DUSP15: variants seen among roughly 807,000 people sequenced by gnomAD.
DUSP15 encodes the protein dual specificity protein phosphatase 15.
DUSP15 carries 23 observed loss-of-function variants against 26.3 expected under a neutral mutation model. The ratio of observed to expected loss-of-function variants is 0.87; its 90% CI spans 0.63 to 1.24. The LOEUF (loss-of-function observed/expected upper bound fraction) is 1.24, where lower values mean the gene tolerates loss of function less well. Ranked by LOEUF, DUSP15 falls within the 50% of genes most tolerant of loss-of-function variation. The pLI is 0.00. For missense variants in DUSP15, 364 were observed against 320.6 expected (o/e 1.14, Z -1.03); for synonymous variants, 143 against 135.5 (o/e 1.06, Z -0.39).
downstream of DUSP15, among the ~76,000 whole-genome samples, chr20:31,859,103 A>C (rs2123230533): frequency 6.6e-6 from 1 of 152,334 alleles, no homozygotes; most frequent in South Asian, 2.1e-4. Flanking sequence ...GAGAGGTTAA[A>C]GCCCTCTAAC....
rs940390081 is a variant in DUSP15 at position 31,867,254 on chromosome 20, A to C, written c.56-101T>G. Reference sequence around the variant, plus strand: ...CCTGCCCAGCTCTCCCTCTCACCCCACCACTCCACCTTGGCCCACGCTCTG... The same window carrying C: ...CCTGCCCAGCTCTCCCTCTCACCCCCCCACTCCACCTTGGCCCACGCTCTG... On this transcript the variant is annotated intron_variant, in intron 2 of 6. Transcript: ENST00000339738. 46 of 1,030,088 alleles carry C rather than the reference A, an allele frequency of 4.5e-5. No individual in the cohort carries two copies. The Middle Eastern group carries it at 1.1e-3, about 24-fold the overall frequency. The allele number at this position is 1,030,088 out of a possible 1,614,324, so 63.8% of individuals were successfully genotyped here. A position where few individuals can be genotyped will look rare whatever the true frequency, so the allele number is the denominator to read the frequency against.
intron 5 of DUSP15, among the ~76,000 whole-genome samples, chr20:31,863,075 T>TG (rs11467419): frequency 9.2e-4 from 137 of 148,834 alleles, no homozygotes; most frequent in South Asian, 1.7e-3. Context: ...ACAGTATGGC[T>TG]GGGGGGGGGG....
chr20:31,864,494 G>T (rs866670952), intron 4 of DUSP15: 1 of 979,144 alleles, frequency 1.0e-6, no homozygotes, highest in Non-Finnish European at 1.2e-6. Context: ...CCCTATCCTA[G>T]ATCCTTGACC....
chr20:31,862,808 C>T, intron 5 of DUSP15, 66 bp from the exon 6 acceptor site: 1 of 1,473,814 alleles, frequency 6.8e-7, no homozygotes, highest in East Asian at 2.4e-5. Flanking sequence ...CCCAGGCACC[C>T]CACCCTGCTT....
At chr20:31,868,102 A>G (rs906701079) in intron 2 of DUSP15, among the ~76,000 whole-genome samples, 2 of 152,238 alleles carry the variant, frequency 1.3e-5, no homozygotes, top group African/African-American at 2.4e-5. Context: ...TATATTCAGA[A>G]TGAATAACAC....
chr20:31,858,012 G>GA (rs1191596698), downstream of DUSP15, among the ~76,000 whole-genome samples: 1 of 152,182 alleles, frequency 6.6e-6, no homozygotes, highest in African/African-American at 2.4e-5. The surrounding 1 kb of genome is among the most constrained non-coding windows in gnomAD (Gnocchi z 4.4). Context: ...CATATGTAGA[G>GA]AACATTACCC....
At chr20:31,849,659 A>G in intron 8 of DUSP15, 1 of 1,525,628 alleles carries the variant, frequency 6.6e-7, no homozygotes, top group Non-Finnish European at 8.8e-7. Context: ...GGAGCCACCC[A>G]GAGCTGCACA....
At chr20:31,862,430 A>T in intron 6 of DUSP15, 141 bp downstream of exon 6, 1 of 951,736 alleles carries the variant, frequency 1.1e-6, no homozygotes, top group Non-Finnish European at 1.5e-6. Context: ...GAGGTGGATT[A>T]GCTCAAAGGC....
exon 10 of DUSP15, chr20:31,848,320 T>C: frequency 7.0e-7 from 1 of 1,430,574 alleles, no homozygotes; most frequent in Non-Finnish European, 9.4e-7. Flanking sequence ...ACCTGGGTGA[T>C]GTGCCGGGGG....
At chr20:31,870,642 G>C, upstream of DUSP15, 4 of 1,299,476 alleles carry the variant, frequency 3.1e-6, no homozygotes, top group Non-Finnish European at 3.9e-6. The surrounding 1 kb of genome is among the most constrained non-coding windows in gnomAD (Gnocchi z 6.6). Flanking sequence ...CCAGTGTGCC[G>C]GGCCCACGGC....
At chr20:31,857,594 A>C (rs1361174676), downstream of DUSP15, among the ~76,000 whole-genome samples, 1 of 151,828 alleles carries the variant, frequency 6.6e-6, no homozygotes, top group Non-Finnish European at 1.5e-5. Flanking sequence ...CTCCTCCCCC[A>C]CTTTAGTTCT....
In DUSP15 at chr20:31,854,003, G is replaced by A. The variant is rs114226157; in HGVS notation, c.427-3327C>T. 8.5e-3 allele frequency among the ~76,000 whole-genome samples: 1,297 copies of A among 152,228 alleles called. 21 individuals carry two copies. The highest frequency in any genetic ancestry group is 0.03 in the African/African-American group (1,235 of 41,544). On this transcript the variant is annotated intron_variant, in intron 6 of 9. Transcript: ENST00000278979. The stretch of plus-strand genomic sequence containing the variant: ...GAGCCTGATGAACAGCTGGGGAAAG[G>A]TGTTCCAGTAAAAGGAACAGCAAAG...
downstream of DUSP15, among the ~76,000 whole-genome samples, chr20:31,846,119 GAC>G (rs540862634): frequency 2.9e-4 from 31 of 108,086 alleles, no homozygotes; most frequent in African/African-American, 1.1e-3. Context: ...GACACACAGA[GAC>G]ACACAGACAC....
downstream of DUSP15, among the ~76,000 whole-genome samples, chr20:31,846,073 TACAGACAC>T (rs1012541007): frequency 1.4e-5 from 2 of 148,044 alleles, no homozygotes; most frequent in African/African-American, 5.0e-5. Flanking sequence ...GACATACACG[TACAGACAC>T]ACAGAGACAC....
At chr20:31,846,297 CA>C (rs2062377314), downstream of DUSP15, among the ~76,000 whole-genome samples, 18 of 139,456 alleles carry the variant, frequency 1.3e-4, no homozygotes, top group African/African-American at 5.9e-4. Context: ...GACACAGACA[CA>C]CACACACACA....
At chr20:31,862,206 T>A (rs2062676272) in intron 6 of DUSP15, among the ~76,000 whole-genome samples, 1 of 152,246 alleles carries the variant, frequency 6.6e-6, no homozygotes, top group East Asian at 1.9e-4. Context: ...GGGAAACTGC[T>A]GTGGTCTCAT....
chr20:31,850,491 G>A, intron 7 of DUSP15: 1 of 996,726 alleles, frequency 1.0e-6, no homozygotes, highest in Non-Finnish European at 1.5e-6. Flanking sequence ...TGACTGTTGT[G>A]GCTATTATTG....
chr20:31,849,940 C>A, intron 7 of DUSP15: 1 of 1,414,306 alleles, frequency 7.1e-7, no homozygotes, highest in East Asian at 2.7e-5. Flanking sequence ...CCTTCTTACC[C>A]TCCCCTTCAA....
In DUSP15 at chr20:31,864,894, C is replaced by G. The variant is rs564061589; in HGVS notation, c.188+59G>C. On this transcript the variant is annotated intron_variant, in intron 4 of 6. Coordinates refer to ENST00000339738, the MANE Select transcript of DUSP15 (RefSeq NM_080611.5). ...TTGTCCTCCTTCAAACCCCCTCCCC[C>G]TCCCCCACCACAGAAGGCAGCTGTC... 134 of 1,576,926 alleles carry G rather than the reference C, an allele frequency of 8.5e-5. No individual in the cohort carries two copies. The Middle Eastern group carries it at 2.7e-3, about 32-fold the overall frequency.
Sources: gnomAD v4.1 joint callset for allele counts (sites outside exome capture counted in the v4.1 genomes callset) on GRCh38, gnomAD v4.1.1 for gene constraint, Gnocchi (gnomAD v3.1) non-coding constraint, MANE v1.5 for transcripts, NCBI Gene and HGNC (gene_info 2026-07-23, HGNC 2026-07-21) for gene names.